ROBO1: variants seen among roughly 807,000 people sequenced by gnomAD.
ROBO1 encodes roundabout homolog 1.
Under a neutral mutation model 195.9 loss-of-function variants are expected in ROBO1, and 149 were observed. That is an observed-to-expected ratio of 0.76 (90% CI 0.67 to 0.87). ROBO1 has a LOEUF of 0.87. Among genes scored for constraint, ROBO1 ranks in the 40% least tolerant of loss-of-function variants. The pLI is 0.00. For missense variants in ROBO1, 1,933 were observed against 2,068.3 expected (o/e 0.93, Z 1.27); for synonymous variants, 816 against 733.2 (o/e 1.11, Z -1.82).
At chr3:79,066,532 T>TA (rs1253964310) in intron 3 of ROBO1, among the ~76,000 whole-genome samples, 1 of 151,892 alleles carries the variant, frequency 6.6e-6, no homozygotes, top group East Asian at 1.9e-4. Context: ...GCCACCATAT[T>TA]AAAAAATACA....
chr3:79,001,123 G>T (rs1047646482), intron 3 of ROBO1, among the ~76,000 whole-genome samples: 1 of 151,976 alleles, frequency 6.6e-6, no homozygotes, highest in South Asian at 2.1e-4. Context: ...GCCTGTCAGG[G>T]GGTCGGGGGA....
intron 1 of ROBO1, among the ~76,000 whole-genome samples, chr3:79,606,556 G>A (rs1422515300): frequency 6.6e-6 from 1 of 151,940 alleles, no homozygotes. Flanking sequence ...GGCACTACAG[G>A]CATTCACCAC....
rs557906798 is a variant in ROBO1, at chr3:79,537,832, A to G, written c.88+51992T>C. On this transcript the variant is annotated intron_variant, in intron 2 of 30. Transcript: ENST00000464233. ...GGGTTGACAGGTGCAGCAAACCACC[A>G]TGGCACACGTAAGCTATGTAACAAA... Among the ~76,000 whole-genome samples the G allele has an allele frequency of 2.6e-5, 4 of 152,182 alleles. No homozygotes were observed. In the East Asian group the frequency reaches 5.8e-4, roughly 22 times the overall value.
intron 4 of ROBO1, among the ~76,000 whole-genome samples, chr3:78,825,391 C>A (rs1478435698): frequency 6.6e-6 from 1 of 152,052 alleles, no homozygotes; most frequent in African/African-American, 2.4e-5. Flanking sequence ...ACAAAACATG[C>A]AAAACAGGTA....
chr3:78,652,976 CCT>C (rs1472707953), intron 18 of ROBO1, among the ~76,000 whole-genome samples: 1 of 151,930 alleles, frequency 6.6e-6, no homozygotes, highest in Non-Finnish European at 1.5e-5. Context: ...AGAATTCCCA[CCT>C]CTGTCTGCAA....
chr3:79,317,418 T>C lies in ROBO1; in HGVS notation c.89-191879A>G, dbSNP rs78906897. ...CACTACGCCAGCTTCCATATCTCCA[T>C]ATTTTATTAAATTTTGCTTAACATT... is the stretch of plus-strand genomic sequence containing the variant. On this transcript the variant is annotated intron_variant, in intron 2 of 30. Transcript: ENST00000464233. Among the ~76,000 whole-genome samples, 1,471 of 152,272 alleles carry C rather than the reference T, an allele frequency of 9.7e-3. 58 individuals carry two copies. The East Asian group carries it at 0.11, about 11-fold the overall frequency.
intron 1 of ROBO1, among the ~76,000 whole-genome samples, chr3:79,675,507 C>A (rs981995376): frequency 6.6e-6 from 1 of 151,976 alleles, no homozygotes; most frequent in Non-Finnish European, 1.5e-5. Context: ...TCTTCATGAA[C>A]TTGGACAACT....
intron 2 of ROBO1, among the ~76,000 whole-genome samples, chr3:79,410,391 G>C (rs953473478): frequency 2.0e-5 from 3 of 151,900 alleles, no homozygotes; most frequent in African/African-American, 7.3e-5. Flanking sequence ...CTTTCCAAGG[G>C]GGACAAAGGT....
intron 2 of ROBO1, among the ~76,000 whole-genome samples, chr3:79,190,042 C>G (rs2081510074): frequency 6.6e-6 from 1 of 151,574 alleles, no homozygotes; most frequent in South Asian, 2.1e-4. Context: ...CATTGTTTTA[C>G]TTGGTGTATT....
At chr3:79,659,131 C>T (rs1308428227) in intron 1 of ROBO1, among the ~76,000 whole-genome samples, 1 of 152,056 alleles carries the variant, frequency 6.6e-6, no homozygotes, top group Non-Finnish European at 1.5e-5. Context: ...CATATCAAAG[C>T]TTCCATTGTG....
intron 2 of ROBO1, among the ~76,000 whole-genome samples, chr3:79,565,582 T>C (rs1023370408): frequency 1.3e-5 from 2 of 152,018 alleles, no homozygotes; most frequent in African/African-American, 2.4e-5. Flanking sequence ...AGCATTTTCT[T>C]ATCAAAGATC....
At chr3:79,242,652 A>G (rs1030737028) in intron 2 of ROBO1, among the ~76,000 whole-genome samples, 1 of 152,166 alleles carries the variant, frequency 6.6e-6, no homozygotes, top group Non-Finnish European at 1.5e-5. Flanking sequence ...TTCACCATCT[A>G]TAACTTTCTT....
chr3:78,806,794 C>T (rs915296665), intron 4 of ROBO1, among the ~76,000 whole-genome samples: 1 of 151,862 alleles, frequency 6.6e-6, no homozygotes, highest in African/African-American at 2.4e-5. Context: ...TATATAAAGA[C>T]CTTGCTTTTT....
intron 8 of ROBO1, among the ~76,000 whole-genome samples, chr3:78,711,932 C>T (rs770860545): frequency 7.4e-5 from 11 of 148,304 alleles, no homozygotes; most frequent in Non-Finnish European, 1.3e-4. Context: ...AGAAAAGCCA[C>T]GGAAACCCCT....
At chr3:78,614,210 A>C (rs1427589720) in intron 28 of ROBO1, among the ~76,000 whole-genome samples, 1 of 152,188 alleles carries the variant, frequency 6.6e-6, no homozygotes, top group Non-Finnish European at 1.5e-5. Context: ...ACTGTTCGTA[A>C]CACCACTGTT....
chr3:78,666,774 C>T (rs1335637854), intron 14 of ROBO1, among the ~76,000 whole-genome samples: 1 of 152,138 alleles, frequency 6.6e-6, no homozygotes, highest in Non-Finnish European at 1.5e-5. Context: ...CTTGAAGTAA[C>T]AAAACAGCAA....
Position 79,075,974 on chromosome 3 carries a change from C to T in ROBO1, c.172+49482G>A, listed in dbSNP as rs564729609. On this transcript the variant is annotated intron_variant, in intron 3 of 30. Transcript: ENST00000464233. ...GGCAGCATAGTATAAAGACTAAGAA[C>T]TCTAACTTTGAAATCAGATGGCCAC... Among the ~76,000 whole-genome samples the T allele has an allele frequency of 1.6e-4, 24 of 151,546 alleles. No homozygotes were observed. In the South Asian group the frequency reaches 2.7e-3, roughly 17 times the overall value.
chr3:79,403,798 GA>G (rs1452067351), intron 2 of ROBO1, among the ~76,000 whole-genome samples: 1 of 151,936 alleles, frequency 6.6e-6, no homozygotes, highest in East Asian at 1.9e-4. Context: ...CTTTCAGTAT[GA>G]AATATTTGTT....
intron 2 of ROBO1, among the ~76,000 whole-genome samples, chr3:79,181,173 T>C (rs2081333421): frequency 6.6e-6 from 1 of 152,158 alleles, no homozygotes; most frequent in African/African-American, 2.4e-5. Context: ...GACTGCACTA[T>C]CCTCACACCC....
Sources: allele counts gnomAD v4.1 joint callset (sites outside exome capture counted in the v4.1 genomes callset), GRCh38; gene constraint gnomAD v4.1.1; transcripts MANE v1.5; gene names NCBI Gene and HGNC (gene_info 2026-07-23, HGNC 2026-07-21).